KLF12: variants seen among roughly 807,000 people sequenced by gnomAD.
KLF12 encodes the protein KLF transcription factor 12.
A neutral mutation model predicts 37.8 loss-of-function variants in KLF12; 9 were observed. The ratio of observed to expected loss-of-function variants is 0.24; its 90% CI spans 0.14 to 0.42. The LOEUF is 0.42. Among genes scored for constraint, KLF12 ranks in the 10% least tolerant of loss-of-function variants. The pLI, the probability that KLF12 is intolerant of heterozygous loss-of-function variation, is 1.00. For missense variants in KLF12, 411 were observed against 516.0 expected (o/e 0.80, Z 1.97); for synonymous variants, 208 against 202.1 (o/e 1.03, Z -0.25).
chr13:73,916,544 T>C (rs903817804), intron 3 of KLF12, among the ~76,000 whole-genome samples: 1 of 152,198 alleles, frequency 6.6e-6, no homozygotes, highest in Non-Finnish European at 1.5e-5. Flanking sequence ...TGTAGCACTT[T>C]TGGTACAATG....
intron 2 of KLF12, among the ~76,000 whole-genome samples, chr13:73,994,586 T>C (rs1182171727): frequency 1.3e-5 from 2 of 152,166 alleles, no homozygotes; most frequent in African/African-American, 4.8e-5. Flanking sequence ...GGACTGCATT[T>C]GACAGCAATC....
rs934184408 is a variant in KLF12 at position 73,690,032 on chromosome 13, T to C, written c.*5458A>G. ...AAGATCAAATTAAGAAATGTTAATGTAAACAAGATTAGGTATATTTGAAAG... is the reference window on the plus strand; with the variant it reads ...AAGATCAAATTAAGAAATGTTAATGCAAACAAGATTAGGTATATTTGAAAG... On this transcript the variant is annotated 3_prime_UTR_variant, in exon 8 of 8. Coordinates refer to ENST00000377669, the MANE Select transcript of KLF12 (RefSeq NM_007249.5). 3.3e-5 allele frequency: 5 copies of C among 152,532 alleles called. No individual in the cohort carries two copies. The highest frequency in any genetic ancestry group is 1.2e-4 in the African/African-American group (5 of 41,450). 9.4% of individuals were successfully genotyped at this position (152,532 alleles called of 1,614,324 possible).
At chr13:73,796,998 T>C (rs1267219375) in intron 5 of KLF12, among the ~76,000 whole-genome samples, 1 of 152,110 alleles carries the variant, frequency 6.6e-6, no homozygotes, top group Non-Finnish European at 1.5e-5. Flanking sequence ...AGAAAGTGGC[T>C]GTCTAGGGGT....
chr13:74,209,037 G>GT, the KLF12 span, among the ~76,000 whole-genome samples: 1 of 151,824 alleles, frequency 6.6e-6, no homozygotes, highest in Non-Finnish European at 1.5e-5. Flanking sequence ...CTTGAGTGAC[G>GT]TAACAGTATA....
chr13:74,030,796 T>C (rs1893094034), intron 1 of KLF12, among the ~76,000 whole-genome samples: 1 of 152,090 alleles, frequency 6.6e-6, no homozygotes, highest in Non-Finnish European at 1.5e-5. Context: ...CTCATTACAA[T>C]CACAAATTTT....
chr13:74,141,970 A>G, the KLF12 span, among the ~76,000 whole-genome samples: 2 of 152,174 alleles, frequency 1.3e-5, no homozygotes, highest in African/African-American at 4.8e-5. Context: ...TTGCTGGCAA[A>G]CAGAAAAAAA....
At chr13:74,174,831 G>T in the KLF12 span, among the ~76,000 whole-genome samples, 2 of 152,180 alleles carry the variant, frequency 1.3e-5, no homozygotes, top group African/African-American at 2.4e-5. Context: ...GTTTTTAGTT[G>T]CTAGAATAAG....
the KLF12 span, among the ~76,000 whole-genome samples, chr13:74,159,738 G>C: frequency 6.6e-6 from 1 of 151,976 alleles, no homozygotes; most frequent in African/African-American, 2.4e-5. Flanking sequence ...TTCTTTTTCA[G>C]CCGGGCATGG....
rs76617118 is a variant in KLF12, at chr13:73,993,574, G to A, written c.33+1416C>T. 9.4e-3 allele frequency among the ~76,000 whole-genome samples: 1,425 copies of A among 152,246 alleles called. 7 individuals carry two copies. The highest frequency in any genetic ancestry group is 0.022 in the South Asian group (104 of 4,822). On this transcript the variant is annotated intron_variant, in intron 2 of 7. Coordinates refer to ENST00000377669, the MANE Select transcript of KLF12 (RefSeq NM_007249.5). ...CTCAACATCATTTCTAAAGGAAAGGGATAAATACATTTTGCATGATAGGTA... is the reference window on the plus strand; with the variant it reads ...CTCAACATCATTTCTAAAGGAAAGGAATAAATACATTTTGCATGATAGGTA...
chr13:74,160,509 C>T, the KLF12 span, among the ~76,000 whole-genome samples: 3 of 152,096 alleles, frequency 2.0e-5, no homozygotes, highest in Non-Finnish European at 2.9e-5. Flanking sequence ...TAATACAGAT[C>T]CAGGCACTTC....
At chr13:73,973,291 G>A (rs1349373429) in intron 2 of KLF12, among the ~76,000 whole-genome samples, 1 of 152,188 alleles carries the variant, frequency 6.6e-6, no homozygotes, top group Non-Finnish European at 1.5e-5. Flanking sequence ...AAGCCACAGT[G>A]TGAAACAAAA....
At chr13:74,302,158 T>C in the KLF12 span, among the ~76,000 whole-genome samples, 1 of 152,208 alleles carries the variant, frequency 6.6e-6, no homozygotes, top group South Asian at 2.1e-4. Flanking sequence ...TATTGAACTT[T>C]CAGGGGCAGA....
upstream of KLF12, among the ~76,000 whole-genome samples, chr13:74,134,571 G>A (rs1285783861): frequency 6.7e-6 from 1 of 149,512 alleles, no homozygotes; most frequent in Non-Finnish European, 1.5e-5. Flanking sequence ...TCCGGCCCCG[G>A]GCCTCGGCAG....
intron 2 of KLF12, among the ~76,000 whole-genome samples, chr13:73,971,210 C>G (rs1397404601): frequency 6.6e-6 from 1 of 152,174 alleles, no homozygotes; most frequent in Non-Finnish European, 1.5e-5. Context: ...ATAAATTAAA[C>G]TCTTCTTGCC....
At chr13:74,038,076 C>A (rs896645407) in intron 1 of KLF12, among the ~76,000 whole-genome samples, 34 of 152,154 alleles carry the variant, frequency 2.2e-4, no homozygotes, top group Admixed American at 2.2e-3. Flanking sequence ...ATACAAAGGA[C>A]ACACAAATGA....
At chr13:73,884,569 G>A (rs1887128793) in intron 3 of KLF12, among the ~76,000 whole-genome samples, 1 of 152,198 alleles carries the variant, frequency 6.6e-6, no homozygotes. Flanking sequence ...AGGAGGATGT[G>A]CCCATTCAGG....
chr13:74,092,709 A>G (rs745723423), intron 1 of KLF12, among the ~76,000 whole-genome samples: 2 of 152,190 alleles, frequency 1.3e-5, no homozygotes, highest in Non-Finnish European at 2.9e-5. Flanking sequence ...CAAATTATAC[A>G]AGATCCTAGT....
chr13:73,877,780 T>C (rs1469635867), intron 3 of KLF12, among the ~76,000 whole-genome samples: 2 of 152,286 alleles, frequency 1.3e-5, no homozygotes, highest in East Asian at 1.9e-4. Flanking sequence ...CTTATTATTA[T>C]TGATATGGAC....
the KLF12 span, among the ~76,000 whole-genome samples, chr13:74,181,915 A>G: frequency 6.6e-6 from 1 of 152,160 alleles, no homozygotes; most frequent in Admixed American, 6.5e-5. Context: ...TATTTGTGGT[A>G]TGGTATGTGT....
Sources: gnomAD v4.1 joint callset for allele counts (sites outside exome capture counted in the v4.1 genomes callset) on GRCh38, gnomAD v4.1.1 for gene constraint, MANE v1.5 for transcripts, NCBI Gene and HGNC (gene_info 2026-07-23, HGNC 2026-07-21) for gene names.